NCK1: variants seen among roughly 807,000 people sequenced by gnomAD.
NCK1 encodes the protein NCK adaptor protein 1, also known as SH2/SH3 adapter protein NCK1.
Under a neutral mutation model 36.6 loss-of-function variants are expected in NCK1, and 19 were observed. That is an observed-to-expected ratio of 0.52 (90% CI 0.36 to 0.76). NCK1 has a LOEUF of 0.76. Among genes scored for constraint, NCK1 ranks in the 30% least tolerant of loss-of-function variants. The pLI, the probability that NCK1 is intolerant of heterozygous loss-of-function variation, is 0.00. For missense variants in NCK1, 358 were observed against 445.6 expected (o/e 0.80, Z 1.77); for synonymous variants, 165 against 156.0 (o/e 1.06, Z -0.43).
At position 136,928,015 on chromosome 3, in the gene NCK1, T is replaced by C; in HGVS notation, c.14T>C (p.Val5Ala). ...AGCTGCTGAAAGATGGCAGAAGAAG[T>C]GGTGGTAGTAGCCAAATTTGATTAT... is the stretch of plus-strand genomic sequence containing the variant. MAEE[V>A]VVVAKFDYVA... is the part of the protein sequence containing the mutation. Residue 5 changes from valine to alanine, a missense_variant, in exon 2 of 4, where the codon GTG becomes GCG. Around this residue, in one of 3 missense-constraint regions of NCK1, gnomAD observed 143 missense variants for 162.4 expected, o/e 0.88. Coordinates refer to ENST00000481752, the MANE Select transcript of NCK1 (RefSeq NM_001291999.2). The C allele has an allele frequency of 6.2e-7, 1 of 1,613,352 alleles. No individual in the cohort carries two copies. The highest frequency in any genetic ancestry group is 1.1e-5 in the South Asian group (1 of 91,048).
chr3:136,895,221 T>A (rs923996550), intron 1 of NCK1, among the ~76,000 whole-genome samples: 1 of 152,178 alleles, frequency 6.6e-6, no homozygotes, highest in Non-Finnish European at 1.5e-5. Flanking sequence ...GTTTTCACTT[T>A]AACGTAGTCA....
In NCK1 at chr3:136,928,081, A is replaced by G; in HGVS notation, c.80A>G (p.Glu27Gly). The part of the protein sequence containing the change: ...QEQELDIKKN[E>G]RLWLLDDSKS... ...CAAGAGTTGGACATCAAGAAGAATG[A>G]GAGATTATGGCTTCTGGATGATTCT... The change falls in exon 2 of 4, where the codon GAG becomes GGG. Residue 27 changes from glutamate to glycine, a missense_variant. By Grantham distance (98) the Glu-to-Gly change is moderately conservative (BLOSUM62 -2). Transcript: ENST00000481752. 1 of 1,614,206 alleles carries G rather than the reference A, an allele frequency of 6.2e-7. No homozygotes were observed. The highest frequency in any genetic ancestry group is 8.5e-7 in the Non-Finnish European group (1 of 1,180,034).
intron 1 of NCK1, among the ~76,000 whole-genome samples, chr3:136,866,932 A>AT (rs11294236): frequency 6.6e-6 from 1 of 151,424 alleles, no homozygotes; most frequent in Non-Finnish European, 1.5e-5. Flanking sequence ...AGTCTTTAAA[A>AT]TTTTTTTTTT....
At chr3:136,930,491 C>A in intron 2 of NCK1, 5 of 1,340,272 alleles carry the variant, frequency 3.7e-6, no homozygotes, top group Non-Finnish European at 4.8e-6. Flanking sequence ...GCAGAACAGA[C>A]GAGGAAGCTC....
intron 1 of NCK1, among the ~76,000 whole-genome samples, chr3:136,909,358 C>T (rs1029123706): frequency 3.9e-5 from 6 of 152,100 alleles, no homozygotes; most frequent in Admixed American, 1.3e-4. Flanking sequence ...AGGACTGAAA[C>T]ACCGTGTGAA....
chr3:136,948,239 A>T lies in NCK1; in HGVS notation c.940-20A>T. The T allele has an allele frequency of 6.4e-7, 1 of 1,560,620 alleles. No homozygotes were observed. The highest frequency in any genetic ancestry group is 8.6e-7 in the Non-Finnish European group (1 of 1,156,228). On this transcript the variant is annotated intron_variant, in intron 3 of 3. Coordinates refer to ENST00000481752, the MANE Select transcript of NCK1 (RefSeq NM_001291999.2). ...GGCTTTCAAAATGTTTACTATATGTATCTTTTTTTTCTCTTTTAGCCAAAT... is the reference window on the plus strand; with the variant it reads ...GGCTTTCAAAATGTTTACTATATGTTTCTTTTTTTTCTCTTTTAGCCAAAT...
At chr3:136,866,090 T>C (rs893073185) in intron 1 of NCK1, among the ~76,000 whole-genome samples, 1 of 152,226 alleles carries the variant, frequency 6.6e-6, no homozygotes, top group Non-Finnish European at 1.5e-5. Flanking sequence ...AAACCAGTGA[T>C]AACTCTCTGT....
intron 1 of NCK1, chr3:136,889,008 T>G (rs1220688119): frequency 6.6e-6 from 1 of 152,302 alleles, no homozygotes; most frequent in Non-Finnish European, 1.5e-5. Flanking sequence ...TAGCTGGGAC[T>G]GCAGGCATGT....
chr3:136,900,087 A>G (rs1576963132), intron 1 of NCK1: 1 of 470,220 alleles, frequency 2.1e-6, no homozygotes, highest in Non-Finnish European at 4.0e-6. Context: ...GGTCCCTTTC[A>G]GGGCTTGATA....
chr3:136,873,332 A>G (rs1938679875), intron 1 of NCK1, among the ~76,000 whole-genome samples: 2 of 152,188 alleles, frequency 1.3e-5, no homozygotes, highest in African/African-American at 4.8e-5. Flanking sequence ...TGGATTTGCT[A>G]GAGGCCTTTA....
At chr3:136,894,140 A>G (rs2108092308) in intron 1 of NCK1, among the ~76,000 whole-genome samples, 1 of 152,248 alleles carries the variant, frequency 6.6e-6, no homozygotes, top group African/African-American at 2.4e-5. Flanking sequence ...CTGCTCGTTC[A>G]TCAGTATGAG....
At chr3:136,891,651 C>G (rs932765805) in intron 1 of NCK1, among the ~76,000 whole-genome samples, 4 of 152,206 alleles carry the variant, frequency 2.6e-5, no homozygotes, top group Non-Finnish European at 1.5e-5. Context: ...TATCTTCCCA[C>G]CAGCAGTGCA....
chr3:136,911,838 T>C (rs991392908), intron 1 of NCK1, among the ~76,000 whole-genome samples: 2 of 152,212 alleles, frequency 1.3e-5, no homozygotes, highest in Non-Finnish European at 2.9e-5. Context: ...AAGGAGAGTT[T>C]TGCCAGTATA....
At position 136,882,547 on chromosome 3, in the gene NCK1, CTGTGTGTGTGTG is replaced by C. The variant is rs35463509; in HGVS notation, c.-19+20226_-19+20237del. On this transcript the variant is annotated intron_variant, in intron 1 of 3. Coordinates refer to ENST00000481752, the MANE Select transcript of NCK1 (RefSeq NM_001291999.2). ...AAGTTTACATTACTTTCCCACATCA[CTGTGTGTGTGTG>C]TGTGTGTGTGTGTGTGTGTGTGTGT... Among the ~76,000 whole-genome samples, 115 of 143,492 alleles carry C rather than the reference CTGTGTGTGTGTG, an allele frequency of 8.0e-4. 1 individual carries two copies. Among genetic ancestry groups the C allele is most frequent in the African/African-American group, 2.7e-3 (104 of 38,556 alleles). 94.1% of individuals were successfully genotyped at this position (143,492 alleles called of 152,430 possible). A position where few individuals can be genotyped will look rare whatever the true frequency, so the allele number is the denominator to read the frequency against.
At chr3:136,929,801 T>C (rs1965107) in intron 2 of NCK1, among the ~76,000 whole-genome samples, 16 of 152,000 alleles carry the variant, frequency 1.1e-4, no homozygotes, top group African/African-American at 3.6e-4. Flanking sequence ...GAAAAAACTA[T>C]TATCATAGAG....
chr3:136,872,072 G>A (rs998195658), intron 1 of NCK1, among the ~76,000 whole-genome samples: 8 of 152,190 alleles, frequency 5.3e-5, no homozygotes, highest in Non-Finnish European at 7.3e-5. Context: ...AAAGATACCC[G>A]AAAATGTGGA....
At chr3:136,906,427 G>A (rs35127615) in intron 1 of NCK1, among the ~76,000 whole-genome samples, 19,046 of 152,196 alleles carry the variant, frequency 0.13, 1,428 homozygotes, top group Non-Finnish European at 0.18. Context: ...AGGTTTTGCT[G>A]AGGTCTGGGT....
chr3:136,883,678 A>T (rs1010096369), intron 1 of NCK1, among the ~76,000 whole-genome samples: 2 of 152,290 alleles, frequency 1.3e-5, no homozygotes, highest in South Asian at 4.1e-4. Flanking sequence ...TTCAGTAGAT[A>T]TGTTGTTGGA....
chr3:136,942,029 G>A (rs1380453573), intron 2 of NCK1, among the ~76,000 whole-genome samples: 1 of 152,000 alleles, frequency 6.6e-6, no homozygotes, highest in Non-Finnish European at 1.5e-5. Flanking sequence ...TAGTAGAGAC[G>A]GGGTTTCACC....
Sources: allele counts gnomAD v4.1 joint callset (sites outside exome capture counted in the v4.1 genomes callset), GRCh38; gene constraint gnomAD v4.1.1; regional missense constraint gnomAD v4.1.1; transcripts MANE v1.5; gene names NCBI Gene and HGNC (gene_info 2026-07-23, HGNC 2026-07-21).